KIF13B: variants seen among roughly 807,000 people sequenced by gnomAD.
KIF13B encodes kinesin-like protein KIF13B.
Under a neutral mutation model 222.0 loss-of-function variants are expected in KIF13B, and 127 were observed. That is an observed-to-expected ratio of 0.57 (90% CI 0.50 to 0.66). The LOEUF is 0.66. KIF13B is among the 30% of genes least tolerant of loss of function. The pLI is 0.00. For synonymous variants in KIF13B, 976 were observed against 919.0 expected, an observed-to-expected ratio of 1.06 and a Z score of -1.12; for missense variants, 2,173 against 2,379.0, an observed-to-expected ratio of 0.91 and a Z score of 1.80.
At chr8:29,087,005 C>G (rs1808074457) in intron 37 of KIF13B, among the ~76,000 whole-genome samples, 1 of 152,236 alleles carries the variant, frequency 6.6e-6, no homozygotes, top group African/African-American at 2.4e-5. Context: ...GCACTGGATG[C>G]CTCACGCAGA....
At chr8:29,156,606 T>C (rs1476708012) in intron 13 of KIF13B, among the ~76,000 whole-genome samples, 1 of 151,918 alleles carries the variant, frequency 6.6e-6, no homozygotes, top group Admixed American at 6.6e-5. Context: ...CTCACCTTCT[T>C]GGGCTCAAGC....
chr8:29,083,621 G>A (rs912115155), intron 37 of KIF13B, among the ~76,000 whole-genome samples: 1 of 152,158 alleles, frequency 6.6e-6, no homozygotes, highest in Non-Finnish European at 1.5e-5. Flanking sequence ...TATGGGGCAA[G>A]GCTAGACAGC....
intron 1 of KIF13B, among the ~76,000 whole-genome samples, chr8:29,255,163 T>G (rs1008107240): frequency 5.9e-5 from 9 of 152,172 alleles, no homozygotes; most frequent in African/African-American, 2.2e-4. Context: ...TGCTAACAGT[T>G]ACAAGGTTCC....
At chr8:29,122,490 G>T in intron 29 of KIF13B, 101 bp downstream of exon 29, 2 of 912,392 alleles carry the variant, frequency 2.2e-6, no homozygotes, top group South Asian at 1.5e-5. Context: ...TCTAGCCTTA[G>T]GGGGACAGAA....
intron 5 of KIF13B, among the ~76,000 whole-genome samples, chr8:29,187,243 C>T (rs1158217183): frequency 6.6e-6 from 1 of 152,048 alleles, no homozygotes; most frequent in Non-Finnish European, 1.5e-5. Context: ...AAATTATTTT[C>T]TCGGCTGAAT....
chr8:29,093,631 T>A (rs1808396630), intron 36 of KIF13B, among the ~76,000 whole-genome samples: 1 of 152,160 alleles, frequency 6.6e-6, no homozygotes. Flanking sequence ...TCCCCCCAGA[T>A]CTCTTCTCCA....
At chr8:29,205,304 T>C (rs1813880901) in intron 2 of KIF13B, among the ~76,000 whole-genome samples, 1 of 152,212 alleles carries the variant, frequency 6.6e-6, no homozygotes, top group African/African-American at 2.4e-5. Flanking sequence ...TCAAATTCTC[T>C]TGAAAATTCA....
chr8:29,250,747 AT>A (rs1468332678), intron 1 of KIF13B, among the ~76,000 whole-genome samples: 2 of 152,218 alleles, frequency 1.3e-5, no homozygotes, highest in African/African-American at 4.8e-5. Context: ...GCCCAATCAA[AT>A]AAAGGCAGTG....
At chr8:29,203,246 T>C (rs1563785147) in intron 2 of KIF13B, among the ~76,000 whole-genome samples, 1 of 152,216 alleles carries the variant, frequency 6.6e-6, no homozygotes, top group Non-Finnish European at 1.5e-5. Context: ...CATCTTTTAC[T>C]GGTCTTCCTT....
chr8:29,170,444 A>G (rs1812188503), intron 10 of KIF13B, among the ~76,000 whole-genome samples: 1 of 152,250 alleles, frequency 6.6e-6, no homozygotes, highest in Non-Finnish European at 1.5e-5. Flanking sequence ...ACTATATAAC[A>G]AGGACTAAGA....
intron 2 of KIF13B, among the ~76,000 whole-genome samples, chr8:29,206,317 C>T (rs992216800): frequency 2.0e-5 from 3 of 152,168 alleles, no homozygotes; most frequent in Non-Finnish European, 2.9e-5. Flanking sequence ...CACACGTATG[C>T]TGACGCATGC....
chr8:29,112,193 G>C (rs923919549), intron 32 of KIF13B, among the ~76,000 whole-genome samples: 6 of 152,176 alleles, frequency 3.9e-5, no homozygotes, highest in Non-Finnish European at 7.3e-5. Flanking sequence ...GCTCACGCCT[G>C]TAATCCCAGC....
Position 29,092,714 on chromosome 8 carries a change from C to G in KIF13B, c.4458+31G>C, listed in dbSNP as rs542165934. 3.3e-5 allele frequency: 53 copies of G among 1,588,484 alleles called. 1 individual carries two copies. In the African/African-American group the frequency reaches 6.1e-4, roughly 18 times the overall value. ...ACAGAGCACCGCTTTATTAGAAAAACGTTCACAGCTGTTTTCTCGGTGCTT... is the reference window on the plus strand; with the variant it reads ...ACAGAGCACCGCTTTATTAGAAAAAGGTTCACAGCTGTTTTCTCGGTGCTT... On this transcript the variant is annotated intron_variant, in intron 37 of 39. Coordinates refer to ENST00000524189, the MANE Select transcript of KIF13B (RefSeq NM_015254.4).
rs546561897 is a variant in KIF13B at position 29,239,952 on chromosome 8, T to C, written c.149+5394A>G. ...TGCTGGGATTACAGGCATGAGCCAC[T>C]GCGCCTGGCCGCAATACACCCTTGT... On this transcript the variant is annotated intron_variant, in intron 2 of 39. Transcript: ENST00000524189. 2.6e-4 allele frequency among the ~76,000 whole-genome samples: 39 copies of C among 150,544 alleles called. No individual in the cohort carries two copies. In the South Asian group the frequency reaches 8.1e-3, roughly 31 times the overall value.
chr8:29,148,431 C>A (rs1811155599), intron 16 of KIF13B, 146 bp downstream of exon 16: 2 of 434,286 alleles, frequency 4.6e-6, no homozygotes, highest in Non-Finnish European at 8.0e-6. Context: ...GAACGTCTTG[C>A]TATGTTGCCC....
At chr8:29,132,852 T>C (rs1810404880) in intron 22 of KIF13B, among the ~76,000 whole-genome samples, 1 of 152,220 alleles carries the variant, frequency 6.6e-6, no homozygotes, top group African/African-American at 2.4e-5. Flanking sequence ...AAAAACATTT[T>C]TTCCCACTTT....
intron 37 of KIF13B, among the ~76,000 whole-genome samples, chr8:29,080,928 C>G (rs1434683805): frequency 6.6e-6 from 1 of 152,190 alleles, no homozygotes; most frequent in African/African-American, 2.4e-5. Flanking sequence ...TCTTCTAACT[C>G]CATTCTCTTC....
intron 2 of KIF13B, among the ~76,000 whole-genome samples, chr8:29,233,496 T>C (rs1049270452): frequency 6.6e-6 from 1 of 152,256 alleles, no homozygotes; most frequent in African/African-American, 2.4e-5. Context: ...AAAAATGTTA[T>C]AATGTTCTAA....
chr8:29,153,291 CCAAA>C (rs1263921779), intron 14 of KIF13B, among the ~76,000 whole-genome samples: 3 of 152,012 alleles, frequency 2.0e-5, no homozygotes, highest in Non-Finnish European at 4.4e-5. Context: ...ATGAAAATAA[CCAAA>C]CAACCAGACT....
Sources: allele counts gnomAD v4.1 joint callset (sites outside exome capture counted in the v4.1 genomes callset), GRCh38; gene constraint gnomAD v4.1.1; transcripts MANE v1.5; gene names NCBI Gene and HGNC (gene_info 2026-07-23, HGNC 2026-07-21).